The following NPAS3 variants were observed in gnomAD, a reference collection of about 807,000 sequenced individuals.
NPAS3 encodes the protein neuronal PAS domain-containing protein 3.
Under a neutral mutation model 73.1 loss-of-function variants are expected in NPAS3, and 14 were observed. The observed-to-expected ratio is 0.19, with a 90% CI of 0.13 to 0.30. The LOEUF is 0.30. Ranked by LOEUF, NPAS3 falls within the 10% of genes least tolerant of loss-of-function variation. The pLI, the probability that NPAS3 is intolerant of heterozygous loss-of-function variation, is 1.00. For missense variants in NPAS3, 1,096 were observed against 1,250.0 expected (o/e 0.88, Z 1.86); for synonymous variants, 620 against 541.5 (o/e 1.14, Z -2.01).
At chr14:33,423,701 A>G (rs534310479) in intron 4 of NPAS3, among the ~76,000 whole-genome samples, 3 of 152,094 alleles carry the variant, frequency 2.0e-5, no homozygotes, top group African/African-American at 7.2e-5. Context: ...CTTCATGTAT[A>G]TTTTAGTCAA....
At chr14:33,469,992 CCA>C (rs1566931076) in intron 4 of NPAS3, among the ~76,000 whole-genome samples, 1 of 152,128 alleles carries the variant, frequency 6.6e-6, no homozygotes, top group African/African-American at 2.4e-5. Flanking sequence ...TAGTCTGCAG[CCA>C]CACTCCAACA....
intron 5 of NPAS3, among the ~76,000 whole-genome samples, chr14:33,638,426 C>T (rs368002754): frequency 6.6e-6 from 1 of 152,154 alleles, no homozygotes; most frequent in Non-Finnish European, 1.5e-5. Flanking sequence ...TTACTATCTA[C>T]GTGATGTTGG....
At chr14:33,106,756 G>C (rs1033500774) in intron 2 of NPAS3, among the ~76,000 whole-genome samples, 8 of 152,234 alleles carry the variant, frequency 5.3e-5, no homozygotes, top group African/African-American at 1.9e-4. Flanking sequence ...TGATGCACGG[G>C]AAGTCTAAAC....
At chr14:33,326,257 CAGAG>C (rs2043700359) in intron 3 of NPAS3, among the ~76,000 whole-genome samples, 1 of 152,062 alleles carries the variant, frequency 6.6e-6, no homozygotes, top group Non-Finnish European at 1.5e-5. Context: ...GGGAAAAAAG[CAGAG>C]AGACAAAGTA....
chr14:33,501,701 G>A (rs1317509667), intron 4 of NPAS3, among the ~76,000 whole-genome samples: 1 of 150,962 alleles, frequency 6.6e-6, no homozygotes, highest in Non-Finnish European at 1.5e-5. Flanking sequence ...GGTGTTAACA[G>A]TCCTGAGCTG....
intron 4 of NPAS3, among the ~76,000 whole-genome samples, chr14:33,521,004 T>C (rs2053531074): frequency 6.6e-6 from 1 of 152,176 alleles, no homozygotes; most frequent in East Asian, 1.9e-4. Context: ...TTGTATCTGA[T>C]AAATTTTAGG....
intron 2 of NPAS3, among the ~76,000 whole-genome samples, chr14:33,077,935 C>T (rs1447416932): frequency 2.0e-5 from 3 of 151,606 alleles, no homozygotes; most frequent in South Asian, 2.1e-4. Context: ...CTCAGGAGTT[C>T]GAGACCAGCC....
intron 4 of NPAS3, among the ~76,000 whole-genome samples, chr14:33,387,263 G>A (rs10144759): frequency 0.21 from 31,331 of 151,950 alleles, 3,542 homozygotes; most frequent in South Asian, 0.29. Flanking sequence ...GGAATGGCTG[G>A]CCACACTTCC....
chr14:33,002,330 A>G (rs767975125), intron 1 of NPAS3, among the ~76,000 whole-genome samples: 4 of 152,228 alleles, frequency 2.6e-5, no homozygotes, highest in Non-Finnish European at 4.4e-5. Context: ...TTGGATGGAG[A>G]TGAAGACACT....
At chr14:33,495,470 C>G (rs2052130834) in intron 4 of NPAS3, among the ~76,000 whole-genome samples, 1 of 152,016 alleles carries the variant, frequency 6.6e-6, no homozygotes, top group African/African-American at 2.4e-5. Flanking sequence ...GTGGAGAGTT[C>G]TGTAGATGTC....
At chr14:33,495,610 G>A (rs1403484561) in intron 4 of NPAS3, among the ~76,000 whole-genome samples, 2 of 152,076 alleles carry the variant, frequency 1.3e-5, no homozygotes, top group Admixed American at 1.3e-4. Flanking sequence ...GGGAGTCTAA[G>A]TCTCATTGTA....
chr14:33,300,265 T>C lies in NPAS3; in HGVS notation c.386-66921T>C, dbSNP rs116216869. Among the ~76,000 whole-genome samples, 656 of 152,348 alleles carry C rather than the reference T, an allele frequency of 4.3e-3. 3 individuals carry two copies. The highest frequency in any genetic ancestry group is 0.012 in the African/African-American group (487 of 41,578). On this transcript the variant is annotated intron_variant, in intron 3 of 11. Transcript: ENST00000356141. The stretch of plus-strand genomic sequence containing the variant: ...AGAATTAAAAATCATGTTTTAGCTC[T>C]AAGTATTACAGTCTGAGGTTTGCAA...
chr14:33,194,600 T>C (rs1285720053), intron 2 of NPAS3, among the ~76,000 whole-genome samples: 1 of 152,220 alleles, frequency 6.6e-6, no homozygotes, highest in East Asian at 1.9e-4. Flanking sequence ...TTACAGATAT[T>C]ATACACTGGT....
At chr14:33,469,354 A>G (rs2139587597) in intron 4 of NPAS3, among the ~76,000 whole-genome samples, 1 of 152,094 alleles carries the variant, frequency 6.6e-6, no homozygotes, top group South Asian at 2.1e-4. Flanking sequence ...CTAGTCATAG[A>G]GTGGTTTATA....
intron 4 of NPAS3, among the ~76,000 whole-genome samples, chr14:33,515,381 T>C (rs2053249468): frequency 6.6e-6 from 1 of 152,108 alleles, no homozygotes; most frequent in Non-Finnish European, 1.5e-5. Context: ...ATCATTCCCA[T>C]ACTTGCTACT....
At chr14:33,144,000 G>T (rs747576607) in intron 2 of NPAS3, among the ~76,000 whole-genome samples, 3 of 152,136 alleles carry the variant, frequency 2.0e-5, no homozygotes, top group Non-Finnish European at 4.4e-5. Flanking sequence ...TGACTATTGT[G>T]AATGGAGCTG....
At chr14:32,941,394 C>T (rs1290943560) in intron 1 of NPAS3, among the ~76,000 whole-genome samples, 1 of 144,904 alleles carries the variant, frequency 6.9e-6, no homozygotes, top group Non-Finnish European at 1.5e-5. Flanking sequence ...TGGGATGGCC[C>T]CAGTAATCTC....
chr14:33,766,687 T>A (rs956403944), intron 7 of NPAS3, among the ~76,000 whole-genome samples: 1 of 152,186 alleles, frequency 6.6e-6, no homozygotes, highest in Non-Finnish European at 1.5e-5. Context: ...TACAAGAATT[T>A]GGTTGGACGA....
intron 4 of NPAS3, among the ~76,000 whole-genome samples, chr14:33,549,618 T>C (rs368185112): frequency 2.5e-4 from 38 of 152,330 alleles, no homozygotes; most frequent in African/African-American, 6.5e-4. Flanking sequence ...TGCTGTCTGA[T>C]ATGATAGGTC....
Sources: allele counts gnomAD v4.1 joint callset (sites outside exome capture counted in the v4.1 genomes callset), GRCh38; gene constraint gnomAD v4.1.1; transcripts MANE v1.5; gene names NCBI Gene and HGNC (gene_info 2026-07-23, HGNC 2026-07-21).